OCA2: variants seen among roughly 807,000 people sequenced by gnomAD.
OCA2 encodes P protein.
In OCA2, 77 loss-of-function variants were observed where a neutral mutation model predicts 100.2. That is an observed-to-expected ratio of 0.77 (90% CI 0.64 to 0.93). The LOEUF (loss-of-function observed/expected upper bound fraction) is 0.93, where lower values mean the gene tolerates loss of function less well. Among genes scored for constraint, OCA2 ranks in the 40% least tolerant of loss-of-function variants. The probability of loss-of-function intolerance (pLI) is 0.00; values close to 1 mark genes in which losing one functional copy is unlikely to be tolerated. For missense variants in OCA2, 1,062 were observed against 1,089.1 expected, an observed-to-expected ratio of 0.98 and a Z score of 0.35; for synonymous variants, 432 against 439.2, an observed-to-expected ratio of 0.98 and a Z score of 0.21.
At chr15:27,834,925 C>T (rs2035091404) in intron 23 of OCA2, among the ~76,000 whole-genome samples, 1 of 152,160 alleles carries the variant, frequency 6.6e-6, no homozygotes, top group Non-Finnish European at 1.5e-5. Flanking sequence ...CGGGACAATG[C>T]ACCACGCTCA....
intron 14 of OCA2, among the ~76,000 whole-genome samples, chr15:27,974,060 T>A (rs1343062495): frequency 6.6e-6 from 1 of 152,210 alleles, no homozygotes; most frequent in African/African-American, 2.4e-5. Flanking sequence ...CTGAATTCAT[T>A]TATCAAATCT....
chr15:27,848,065 A>T (rs569730298), intron 22 of OCA2, among the ~76,000 whole-genome samples: 4 of 152,136 alleles, frequency 2.6e-5, no homozygotes, highest in African/African-American at 9.7e-5. Flanking sequence ...CGGGACCCCT[A>T]TGTTTTCTGA....
intron 19 of OCA2, among the ~76,000 whole-genome samples, chr15:27,890,234 T>C (rs1647461664): frequency 6.6e-6 from 1 of 152,166 alleles, no homozygotes; most frequent in Non-Finnish European, 1.5e-5. Flanking sequence ...CTAATATTCA[T>C]GTCACTGGAG....
chr15:27,821,211 GCA>G (rs1217530137), intron 23 of OCA2, among the ~76,000 whole-genome samples: 1 of 152,140 alleles, frequency 6.6e-6, no homozygotes, highest in Non-Finnish European at 1.5e-5. Context: ...GAGAGGTTAT[GCA>G]CACTCTTAAG....
intron 2 of OCA2, among the ~76,000 whole-genome samples, chr15:28,057,095 T>C (rs1174045029): frequency 6.6e-6 from 1 of 152,252 alleles, no homozygotes; most frequent in Non-Finnish European, 1.5e-5. Context: ...AAAGTTGCAA[T>C]GATTGATAGC....
intron 19 of OCA2, among the ~76,000 whole-genome samples, chr15:27,877,895 T>A (rs1298031953): frequency 6.6e-6 from 1 of 151,758 alleles, no homozygotes. Context: ...TGTTTGTCTC[T>A]TTTTTTATTC....
chr15:27,741,352 C>T, the OCA2 span, among the ~76,000 whole-genome samples: 1 of 152,200 alleles, frequency 6.6e-6, no homozygotes, highest in Non-Finnish European at 1.5e-5. Flanking sequence ...CTTTGACCAT[C>T]AGACCTGCAA....
At chr15:27,834,822 G>A (rs149440455) in intron 23 of OCA2, among the ~76,000 whole-genome samples, 3 of 152,296 alleles carry the variant, frequency 2.0e-5, no homozygotes, top group African/African-American at 4.8e-5. Context: ...GGACTCAGCC[G>A]CGGTAAACAC....
chr15:27,997,123 GGAAGGAA>G (rs36166004), intron 9 of OCA2, among the ~76,000 whole-genome samples: 1 of 70,218 alleles, frequency 1.4e-5, no homozygotes, highest in Non-Finnish European at 4.8e-5. Flanking sequence ...AAGGAAGGAA[GGAAGGAA>G]GAAGGAAGGA....
chr15:27,911,254 T>C (rs1181330489), intron 19 of OCA2, among the ~76,000 whole-genome samples: 1 of 151,962 alleles, frequency 6.6e-6, no homozygotes, highest in Non-Finnish European at 1.5e-5. Flanking sequence ...ATCCTGTCTC[T>C]ACAAAAAATA....
intron 9 of OCA2, among the ~76,000 whole-genome samples, chr15:27,993,437 G>A (rs894216445): frequency 6.6e-5 from 10 of 152,180 alleles, no homozygotes; most frequent in African/African-American, 2.2e-4. Flanking sequence ...GTGGGGCCTT[G>A]TTTGCTCATT....
intron 2 of OCA2, among the ~76,000 whole-genome samples, chr15:28,063,854 T>C (rs2043948161): frequency 6.6e-6 from 1 of 152,162 alleles, no homozygotes; most frequent in Non-Finnish European, 1.5e-5. Context: ...TTATGCTGTG[T>C]TTTATGTTTT....
intron 9 of OCA2, among the ~76,000 whole-genome samples, chr15:27,995,724 T>C (rs1429373337): frequency 6.6e-6 from 1 of 152,008 alleles, no homozygotes; most frequent in African/African-American, 2.4e-5. Context: ...TAATATCAAG[T>C]ATATTTTCCG....
intron 1 of OCA2, among the ~76,000 whole-genome samples, chr15:28,089,532 G>A (rs1248341378): frequency 1.3e-5 from 2 of 152,102 alleles, no homozygotes; most frequent in Admixed American, 6.5e-5. Flanking sequence ...CCCTCCATTC[G>A]GGGTCCCTGA....
chr15:27,936,615 C>A (rs571147534), intron 18 of OCA2, among the ~76,000 whole-genome samples: 4 of 152,290 alleles, frequency 2.6e-5, no homozygotes, highest in African/African-American at 9.6e-5. Context: ...CTGATTCAAT[C>A]CTCACAGCAA....
At chr15:27,793,911 C>T (rs2033203804) in intron 23 of OCA2, among the ~76,000 whole-genome samples, 1 of 152,184 alleles carries the variant, frequency 6.6e-6, no homozygotes, top group Non-Finnish European at 1.5e-5. Flanking sequence ...GGGCAGATGA[C>T]ACATGGCCAC....
the OCA2 span, among the ~76,000 whole-genome samples, chr15:27,728,510 C>T: frequency 1.8e-4 from 28 of 152,118 alleles, no homozygotes; most frequent in East Asian, 3.3e-3. Flanking sequence ...CCATCCCTTT[C>T]GGCGCAAGCT....
At chr15:28,055,876 T>C (rs2043677919) in intron 2 of OCA2, among the ~76,000 whole-genome samples, 1 of 152,108 alleles carries the variant, frequency 6.6e-6, no homozygotes, top group Non-Finnish European at 1.5e-5. Flanking sequence ...ATGCAGAGCA[T>C]GGATTGCTCA....
intron 2 of OCA2, among the ~76,000 whole-genome samples, chr15:28,074,630 C>CTGAGAGCTCCAGTGA (rs2044371124): frequency 6.7e-6 from 1 of 149,636 alleles, no homozygotes; most frequent in South Asian, 2.1e-4. Context: ...GCCGAGATCA[C>CTGAGAGCTCCAGTGA]GCCACTGCAC....
Sources: gnomAD v4.1 joint callset for allele counts (sites outside exome capture counted in the v4.1 genomes callset) on GRCh38, gnomAD v4.1.1 for gene constraint, MANE v1.5 for transcripts, NCBI Gene and HGNC (gene_info 2026-07-23, HGNC 2026-07-21) for gene names.